Variants in PRKCH observed in about 807,000 individuals in gnomAD.
PRKCH encodes the protein protein kinase C eta type.
In PRKCH, 28 loss-of-function variants were observed where a neutral mutation model predicts 82.5. The observed-to-expected ratio is 0.34, with a 90% CI of 0.25 to 0.47. The LOEUF (loss-of-function observed/expected upper bound fraction) is 0.47. Ranked by LOEUF, PRKCH falls within the 20% of genes least tolerant of loss-of-function variation. The probability of loss-of-function intolerance (pLI) is 1.00; values close to 1 mark genes in which losing one functional copy is unlikely to be tolerated. For synonymous variants in PRKCH, 322 were observed against 327.4 expected (o/e 0.98, Z 0.18); for missense variants, 705 against 881.8 (o/e 0.80, Z 2.54).
At chr14:61,328,256 C>CAAAAAAAAAAAA (rs71117811) in intron 1 of PRKCH, among the ~76,000 whole-genome samples, 3 of 74,376 alleles carry the variant, frequency 4.0e-5, no homozygotes, top group African/African-American at 6.1e-5. Flanking sequence ...GACTCCGTCT[C>CAAAAAAAAAAAA]AAAAAAAAAA....
chr14:61,319,959 A>G (rs936810099), upstream of PRKCH, among the ~76,000 whole-genome samples: 2 of 152,054 alleles, frequency 1.3e-5, no homozygotes, highest in African/African-American at 2.4e-5. Context: ...GCCTCCTTGC[A>G]CTCATGTGAA....
chr14:61,220,987 C>G (rs1281003255), intron 1 of PRKCH, among the ~76,000 whole-genome samples: 1 of 152,108 alleles, frequency 6.6e-6, no homozygotes, highest in Admixed American at 6.5e-5. Context: ...AATCTTATTA[C>G]TTGGTGCCGC....
At chr14:61,320,678 A>G (rs1046270623), upstream of PRKCH, among the ~76,000 whole-genome samples, 2 of 152,214 alleles carry the variant, frequency 1.3e-5, no homozygotes, top group Non-Finnish European at 2.9e-5. Flanking sequence ...GCCCTCAGGG[A>G]GCAAGCTTTG....
At chr14:61,257,906 G>A (rs772106058) in intron 1 of PRKCH, among the ~76,000 whole-genome samples, 1 of 152,054 alleles carries the variant, frequency 6.6e-6, no homozygotes, top group Non-Finnish European at 1.5e-5. Flanking sequence ...TTCAGCACTA[G>A]AAGAAAGCAT....
At chr14:61,524,083 C>T (rs1409368887) in intron 10 of PRKCH, among the ~76,000 whole-genome samples, 1 of 152,202 alleles carries the variant, frequency 6.6e-6, no homozygotes, top group Non-Finnish European at 1.5e-5. Flanking sequence ...TAGATTCATT[C>T]TTGTTCAAGG....
At chr14:61,247,755 AAAAGAAAG>A (rs1566793679) in intron 1 of PRKCH, among the ~76,000 whole-genome samples, 1 of 149,342 alleles carries the variant, frequency 6.7e-6, no homozygotes, top group South Asian at 2.1e-4. Flanking sequence ...AAAAAAAAAA[AAAAGAAAG>A]AAAGAAAGGA....
intron 12 of PRKCH, 124 bp downstream of exon 12, chr14:61,530,719 C>A (rs2043035315): frequency 1.1e-6 from 1 of 885,914 alleles, no homozygotes; most frequent in Non-Finnish European, 1.6e-6. Context: ...TTGTATTGTT[C>A]TAATCTAAAG....
At chr14:61,507,998 A>G (rs1159533034) in intron 10 of PRKCH, among the ~76,000 whole-genome samples, 1 of 152,156 alleles carries the variant, frequency 6.6e-6, no homozygotes, top group East Asian at 1.9e-4. Flanking sequence ...GGTTTATTGC[A>G]CTGACAGTAG....
At chr14:61,449,314 GTCTC>G in intron 5 of PRKCH, 62 bp downstream of exon 5, 4 of 1,406,162 alleles carry the variant, frequency 2.8e-6, no homozygotes, top group South Asian at 1.2e-5. Flanking sequence ...GTGTACCGCC[GTCTC>G]TCTCCCTCCC....
At position 61,306,632 on chromosome 14, in the gene PRKCH, C is replaced by G. The variant is rs1594901518; in HGVS notation, c.-19+118964C>G. 2.6e-5 allele frequency: 4 copies of G among 152,198 alleles called. No individual in the cohort carries two copies. The East Asian group carries it at 7.7e-4, about 29-fold the overall frequency. 9.4% of individuals were successfully genotyped at this position (152,198 alleles called of 1,614,324 possible). A position where few individuals can be genotyped will look rare whatever the true frequency, so the allele number is the denominator to read the frequency against. On this transcript the variant is annotated intron_variant, in intron 1 of 3. Transcript: ENST00000555185. ...AGTTGTTTCTAGTGGGAGGATGTGT[C>G]TGGCATTAGCTACTATCTATGGCCA...
chr14:61,195,223 C>T (rs1231621619), intron 1 of PRKCH, among the ~76,000 whole-genome samples: 1 of 152,140 alleles, frequency 6.6e-6, no homozygotes, highest in Non-Finnish European at 1.5e-5. Context: ...ATTTTGAACT[C>T]TACTCTGTGG....
rs1025330633 is a variant in PRKCH at position 61,281,090 on chromosome 14, G to T, written c.-19+93422G>T. ...GGCTGCCAGGCGGGGAGGCGCTGCT[G>T]AGTGAAGGCGGTGTTGTCGGGCTGG... is the stretch of plus-strand genomic sequence containing the variant. On this transcript the variant is annotated intron_variant, in intron 1 of 3. Coordinates refer to the PRKCH transcript ENST00000555185. The T allele has an allele frequency of 4.6e-6, 7 of 1,505,710 alleles. No homozygotes were observed. In the East Asian group the frequency reaches 1.4e-4, roughly 29 times the overall value. 93.3% of individuals were successfully genotyped at this position (1,505,710 alleles called of 1,614,324 possible).
chr14:61,539,982 T>C (rs1041745150), intron 12 of PRKCH, among the ~76,000 whole-genome samples: 4 of 152,228 alleles, frequency 2.6e-5, no homozygotes, highest in African/African-American at 7.2e-5. Flanking sequence ...TAACTTCCAC[T>C]CCCTGAACTT....
intron 1 of PRKCH, chr14:61,390,870 C>T (rs1429961117): frequency 5.3e-6 from 1 of 190,328 alleles, no homozygotes; most frequent in Non-Finnish European, 1.1e-5. Flanking sequence ...ATTTCATATT[C>T]TTGCCATGTG....
chr14:61,383,664 C>T (rs1052230413), intron 1 of PRKCH, among the ~76,000 whole-genome samples: 2 of 151,720 alleles, frequency 1.3e-5, no homozygotes, highest in African/African-American at 4.8e-5. Context: ...TGTCCCGACC[C>T]TGGGAGTCAT....
At chr14:61,313,075 T>C (rs144512575) in intron 1 of PRKCH, among the ~76,000 whole-genome samples, 403 of 152,318 alleles carry the variant, frequency 2.6e-3, no homozygotes, top group Non-Finnish European at 4.3e-3. Flanking sequence ...AAAATCCAAG[T>C]ATGATGCCCA....
chr14:61,318,781 C>G (rs1207752882), upstream of PRKCH, among the ~76,000 whole-genome samples: 1 of 152,118 alleles, frequency 6.6e-6, no homozygotes, highest in Non-Finnish European at 1.5e-5. Context: ...TTCCAATCCA[C>G]CCCCGAGAGA....
At chr14:61,219,018 G>A (rs1566784629) in intron 1 of PRKCH, among the ~76,000 whole-genome samples, 1 of 152,246 alleles carries the variant, frequency 6.6e-6, no homozygotes, top group South Asian at 2.1e-4. Context: ...GGCAATGGGA[G>A]GCTTCCTTGT....
chr14:61,433,978 T>C (rs934355863), intron 2 of PRKCH, among the ~76,000 whole-genome samples: 2 of 152,204 alleles, frequency 1.3e-5, no homozygotes, highest in African/African-American at 4.8e-5. Context: ...TTATAAACAA[T>C]GACAACAATA....
Sources: allele counts gnomAD v4.1 joint callset (sites outside exome capture counted in the v4.1 genomes callset), GRCh38; gene constraint gnomAD v4.1.1; transcripts MANE v1.5; gene names NCBI Gene and HGNC (gene_info 2026-07-23, HGNC 2026-07-21).